VEGFC: variants seen among roughly 807,000 people sequenced by gnomAD.
VEGFC encodes vascular endothelial growth factor C.
A neutral mutation model predicts 46.1 loss-of-function variants in VEGFC; 12 were observed. The ratio of observed to expected loss-of-function variants is 0.26; its 90% confidence interval spans 0.17 to 0.42. VEGFC has a LOEUF of 0.42. Ranked by LOEUF, VEGFC falls within the 10% of genes least tolerant of loss-of-function variation. VEGFC has a pLI of 1.00. For synonymous variants in VEGFC, 232 were observed against 195.5 expected, an observed-to-expected ratio of 1.19 and a Z score of -1.56; for missense variants, 488 against 529.4, an observed-to-expected ratio of 0.92 and a Z score of 0.77.
intron 1 of VEGFC, among the ~76,000 whole-genome samples, chr4:176,786,739 C>G (rs1736007377): frequency 6.6e-6 from 1 of 152,212 alleles, no homozygotes; most frequent in Non-Finnish European, 1.5e-5. Context: ...CTAGTAAGAA[C>G]TGATTAACAT....
intron 1 of VEGFC, among the ~76,000 whole-genome samples, chr4:176,740,356 G>A (rs1400376375): frequency 8.9e-6 from 1 of 111,824 alleles, no homozygotes; most frequent in Admixed American, 1.0e-4. Context: ...TTTATATATA[G>A]TTATATATAT....
chr4:176,743,633 T>C (rs958021511), intron 1 of VEGFC, among the ~76,000 whole-genome samples: 1 of 150,890 alleles, frequency 6.6e-6, no homozygotes, highest in Non-Finnish European at 1.5e-5. Context: ...GATATAGATA[T>C]ATATGTCTGA....
intron 4 of VEGFC, among the ~76,000 whole-genome samples, chr4:176,699,076 G>A (rs962119915): frequency 3.3e-5 from 5 of 152,102 alleles, no homozygotes; most frequent in African/African-American, 1.2e-4. Context: ...CTATAGATAC[G>A]AACTGTGTTA....
intron 1 of VEGFC, among the ~76,000 whole-genome samples, chr4:176,757,330 G>A (rs1393806106): frequency 6.6e-6 from 1 of 151,822 alleles, no homozygotes; most frequent in Non-Finnish European, 1.5e-5. Flanking sequence ...AAACACACAA[G>A]AATTAGAAGA....
intron 3 of VEGFC, among the ~76,000 whole-genome samples, chr4:176,717,415 C>T (rs1734716509): frequency 6.6e-6 from 1 of 152,094 alleles, no homozygotes; most frequent in Non-Finnish European, 1.5e-5. Context: ...AGTCAATTCT[C>T]ACCAACAAGA....
intron 1 of VEGFC, among the ~76,000 whole-genome samples, chr4:176,745,256 A>G (rs1222999770): frequency 6.6e-6 from 1 of 152,092 alleles, no homozygotes; most frequent in Non-Finnish European, 1.5e-5. Context: ...CAATGATTAT[A>G]AAACTTTTGT....
chr4:176,789,668 A>C (rs1736057226), intron 1 of VEGFC, among the ~76,000 whole-genome samples: 1 of 152,192 alleles, frequency 6.6e-6, no homozygotes, highest in Non-Finnish European at 1.5e-5. Flanking sequence ...AACATCCTTC[A>C]GAGAAACATT....
At chr4:176,746,680 C>T (rs1735262535) in intron 1 of VEGFC, among the ~76,000 whole-genome samples, 3 of 152,086 alleles carry the variant, frequency 2.0e-5, no homozygotes, top group South Asian at 2.1e-4. Context: ...AAATGCTAAA[C>T]AGCCTTTTGA....
At chr4:176,687,120 A>C (rs953788122) in intron 6 of VEGFC, 67 bp downstream of exon 6, 1 of 1,507,068 alleles carries the variant, frequency 6.6e-7, no homozygotes, top group Non-Finnish European at 8.9e-7. Context: ...TTGGTTAAGA[A>C]AACTGCTTTT....
At chr4:176,695,095 CA>C (rs1435310499) in intron 4 of VEGFC, among the ~76,000 whole-genome samples, 1 of 142,770 alleles carries the variant, frequency 7.0e-6, no homozygotes, top group East Asian at 2.1e-4. Context: ...CAAACACATT[CA>C]AAAGCTAGCA....
Position 176,718,575 on chromosome 4 carries a change from T to A in VEGFC, c.553-6925A>T, listed in dbSNP as rs149669108. On this transcript the variant is annotated intron_variant, in intron 3 of 6. Coordinates refer to ENST00000618562, the MANE Select transcript of VEGFC (RefSeq NM_005429.5). ...TAGCTGCTTGTTTTTAAGATGGCAA[T>A]GTAGAATTTAAAATAATGCTGCTTC... Among the ~76,000 whole-genome samples the A allele has an allele frequency of 3.0e-3, 462 of 152,262 alleles. 3 individuals carry two copies. Among genetic ancestry groups the A allele is most frequent in the African/African-American group, 0.011 (438 of 41,564 alleles).
At chr4:176,786,892 AG>A (rs1411287291) in intron 1 of VEGFC, among the ~76,000 whole-genome samples, 1 of 152,176 alleles carries the variant, frequency 6.6e-6, no homozygotes, top group African/African-American at 2.4e-5. Flanking sequence ...AAAGCAATGG[AG>A]GAAGGCCTGT....
chr4:176,785,719 A>G (rs1735991878), intron 1 of VEGFC, among the ~76,000 whole-genome samples: 2 of 152,068 alleles, frequency 1.3e-5, no homozygotes, highest in African/African-American at 2.4e-5. Flanking sequence ...CTGATTGTCT[A>G]AATATTCTAT....
intron 1 of VEGFC, among the ~76,000 whole-genome samples, chr4:176,765,183 T>C (rs1183014442): frequency 6.6e-6 from 1 of 151,578 alleles, no homozygotes; most frequent in Admixed American, 6.6e-5. Context: ...TAACTGAAAA[T>C]AGGTCTCAAT....
intron 4 of VEGFC, among the ~76,000 whole-genome samples, chr4:176,705,121 A>C (rs1014008396): frequency 2.6e-5 from 4 of 152,200 alleles, no homozygotes; most frequent in African/African-American, 9.6e-5. Context: ...CTAAAGAATT[A>C]TATTATTCAT....
intron 1 of VEGFC, among the ~76,000 whole-genome samples, chr4:176,731,643 A>C (rs2111020440): frequency 6.6e-6 from 1 of 152,046 alleles, no homozygotes; most frequent in Admixed American, 6.6e-5. Context: ...CTCCACTACA[A>C]GTCAGCTGTG....
intron 1 of VEGFC, among the ~76,000 whole-genome samples, chr4:176,753,705 A>G (rs1735377645): frequency 6.6e-6 from 1 of 152,116 alleles, no homozygotes; most frequent in Non-Finnish European, 1.5e-5. Context: ...ATGCAAATTA[A>G]AATGCATAAG....
At chr4:176,779,933 C>A (rs1735880149) in intron 1 of VEGFC, among the ~76,000 whole-genome samples, 1 of 152,160 alleles carries the variant, frequency 6.6e-6, no homozygotes, top group Non-Finnish European at 1.5e-5. Flanking sequence ...GTGAAACCCA[C>A]AGTAACATGT....
chr4:176,687,074 A>T, intron 6 of VEGFC, 113 bp downstream of exon 6: 1 of 1,149,232 alleles, frequency 8.7e-7, no homozygotes, highest in Non-Finnish European at 1.2e-6. Context: ...TGTCTTTCAG[A>T]ATGTATTGGC....
Sources: allele counts gnomAD v4.1 joint callset (sites outside exome capture counted in the v4.1 genomes callset), GRCh38; gene constraint gnomAD v4.1.1; transcripts MANE v1.5; gene names NCBI Gene and HGNC (gene_info 2026-07-23, HGNC 2026-07-21).